The following TWF1 variants were observed in gnomAD, a reference collection of about 807,000 sequenced individuals.
TWF1 encodes twinfilin actin binding protein 1, also known as twinfilin-1.
TWF1 carries 14 observed loss-of-function variants against 47.9 expected under a neutral mutation model. The ratio of observed to expected loss-of-function variants is 0.29; its 90% CI spans 0.19 to 0.46. The LOEUF (loss-of-function observed/expected upper bound fraction) is 0.46. Ranked by LOEUF, TWF1 falls within the 20% of genes least tolerant of loss-of-function variation. TWF1 has a pLI of 1.00. For synonymous variants in TWF1, 96 were observed against 139.2 expected (o/e 0.69, Z 2.18); for missense variants, 281 against 409.3 (o/e 0.69, Z 2.70).
rs184767881 is a variant in TWF1, at chr12:43,801,271, T to C, written c.283-741A>G. Among the ~76,000 whole-genome samples the C allele has an allele frequency of 8.0e-4, 122 of 151,650 alleles. No individual in the cohort carries two copies. The East Asian group carries it at 0.019, about 24-fold the overall frequency. On this transcript the variant is annotated intron_variant, in intron 3 of 8. Coordinates refer to ENST00000395510, the MANE Select transcript of TWF1 (RefSeq NM_002822.5). ...TACCATTCTAGGAGGGACACAAAGA[T>C]GGAAAAAAAAATTCAAGAGTCAACT...
chr12:43,797,384 T>C lies in TWF1; in HGVS notation c.678A>G (p.Pro226=), dbSNP rs144096597. 3 of 1,605,570 alleles carry C rather than the reference T, an allele frequency of 1.9e-6. No homozygotes were observed. Among genetic ancestry groups the C allele is most frequent in the Non-Finnish European group, 1.7e-6 (2 of 1,176,520 alleles). ...NTTNTELKDL[P]KRIPKDSARY... Reference sequence around the variant, plus strand: ...GAGCTGAATCCTTGGGAATCCTCTTTGGCAAATCTTTCAGTTCTGTATTTG... The same window carrying C: ...GAGCTGAATCCTTGGGAATCCTCTTCGGCAAATCTTTCAGTTCTGTATTTG... The change falls in exon 7 of 9, where the codon CCA becomes CCG. Residue 226 remains proline, a synonymous_variant. Coordinates refer to ENST00000395510, the MANE Select transcript of TWF1 (RefSeq NM_002822.5).
intron 1 of TWF1, 81 bp downstream of exon 1, chr12:43,806,140 C>G: frequency 6.5e-7 from 1 of 1,530,130 alleles, no homozygotes; most frequent in Non-Finnish European, 8.8e-7. Context: ...CCGACTCCAG[C>G]CCTGCCGGTC....
At chr12:43,800,309 C>T (rs1942635869) in intron 4 of TWF1, 126 bp downstream of exon 4, 1 of 636,192 alleles carries the variant, frequency 1.6e-6, no homozygotes, top group South Asian at 2.2e-5. Context: ...ATATGAAATA[C>T]AGTATTTCTC....
At position 43,799,431 on chromosome 12, in the gene TWF1, A is replaced by G. The variant is rs746811843; in HGVS notation, c.450T>C (p.Ala150=). ...SQSSPAPLTA[A]EEELRQIKIN... ...TTTTAATCTGTCGTAGTTCTTCCTC[A>G]GCTGCAGTCAGTGGGGCAGGGGAAG... Residue 150 remains alanine, a synonymous_variant, in exon 5 of 9, where the codon GCT becomes GCC. Coordinates refer to ENST00000395510, the MANE Select transcript of TWF1 (RefSeq NM_002822.5). 1.9e-6 allele frequency: 3 copies of G among 1,609,910 alleles called. No individual in the cohort carries two copies. The African/African-American group carries it at 4.0e-5, about 22-fold the overall frequency.
chr12:43,804,685 CCTT>C, intron 1 of TWF1, 113 bp from the exon 2 acceptor site: 1 of 619,908 alleles, frequency 1.6e-6, no homozygotes, highest in East Asian at 3.1e-5. Context: ...CATGTAGCAT[CCTT>C]ATTATCAGTA....
intron 1 of TWF1, 135 bp downstream of exon 1, chr12:43,806,086 G>C: frequency 6.6e-7 from 1 of 1,519,128 alleles, no homozygotes; most frequent in Non-Finnish European, 8.8e-7. Context: ...GAGAGGCGCC[G>C]AGGCCCGGCT....
At position 43,794,813 on chromosome 12, in the gene TWF1, C is replaced by T. The variant is rs1225658288; in HGVS notation, c.*772G>A. 1 of 152,036 alleles carries T rather than the reference C, an allele frequency of 6.6e-6. No homozygotes were observed. Among genetic ancestry groups the T allele is most frequent in the African/African-American group, 2.4e-5 (1 of 41,374 alleles). The allele number at this position is 152,036 out of a possible 1,614,324, so 9.4% of individuals were successfully genotyped here. On this transcript the variant is annotated 3_prime_UTR_variant, in exon 9 of 9. Coordinates refer to ENST00000395510, the MANE Select transcript of TWF1 (RefSeq NM_002822.5). ...ATGGTTTTGGAGAAAAAAGTCAATC[C>T]TGATTTTTAAAACTCAACATTTTTT...
In TWF1 at chr12:43,798,620, G is replaced by GT. The variant is rs1396940973; in HGVS notation, c.483+777dup. On this transcript the variant is annotated intron_variant, in intron 5 of 8. Transcript: ENST00000395510. ...AGAAATAAAACAAACTATCAAACTC[G>GT]TAAAAAAAAAAAAAAATCACATAAA... The GT allele has an allele frequency of 9.8e-6, 14 of 1,426,552 alleles. No homozygotes were observed. In the African/African-American group the frequency reaches 2.3e-4, roughly 23 times the overall value. 88.4% of individuals were successfully genotyped at this position (1,426,552 alleles called of 1,614,324 possible).
chr12:43,796,559 A>G (rs763328187), intron 8 of TWF1, among the ~76,000 whole-genome samples: 7 of 152,140 alleles, frequency 4.6e-5, no homozygotes, highest in Non-Finnish European at 7.4e-5. Context: ...TGGAGACTGT[A>G]ATTCCTTATT....
chr12:43,806,014 C>T (rs987728897), intron 1 of TWF1: 1 of 1,524,402 alleles, frequency 6.6e-7, no homozygotes, highest in Non-Finnish European at 8.8e-7. Context: ...TGCAACGTGA[C>T]GGCAGCAGGG....
intron 1 of TWF1, 48 bp downstream of exon 1, chr12:43,806,173 G>A (rs759089924): frequency 3.0e-4 from 459 of 1,537,380 alleles, no homozygotes; most frequent in Non-Finnish European, 3.8e-4. Flanking sequence ...CGGCTCTCCC[G>A]GCTCTCCCGG....
In TWF1 at chr12:43,793,898, A is replaced by T. The variant is rs1321206924; in HGVS notation, c.*1687T>A. The T allele has an allele frequency of 6.5e-6, 1 of 152,678 alleles. No homozygotes were observed. The highest frequency in any genetic ancestry group is 1.5e-5 in the Non-Finnish European group (1 of 68,044). 9.5% of individuals were successfully genotyped at this position (152,678 alleles called of 1,614,324 possible). On this transcript the variant is annotated 3_prime_UTR_variant, in exon 9 of 9. Transcript: ENST00000395510. ...ATGAGTTATACTCTATAACAAATGC[A>T]TCACTGATTTTCAGCAATCATTGGT...
rs577941422 is a variant in TWF1 at position 43,794,049 on chromosome 12, A to C, written c.*1536T>G. 8 of 152,742 alleles carry C rather than the reference A, an allele frequency of 5.2e-5. 1 individual carries two copies. Among genetic ancestry groups the C allele is most frequent in the African/African-American group, 1.9e-4 (8 of 41,568 alleles). The allele number at this position is 152,742 out of a possible 1,614,324, so 9.5% of individuals were successfully genotyped here. On this transcript the variant is annotated 3_prime_UTR_variant, in exon 9 of 9. Coordinates refer to ENST00000395510, the MANE Select transcript of TWF1 (RefSeq NM_002822.5). ...TGGTACAGAAAAACATTCACTTCTA[A>C]ATTATTTTATACCTTCATGACAGGT...
chr12:43,802,489 A>T (rs1267051000), intron 2 of TWF1, 25 bp from the exon 3 acceptor site: 2 of 1,565,172 alleles, frequency 1.3e-6, no homozygotes, highest in Non-Finnish European at 1.8e-6. Flanking sequence ...TTTTAGAAAG[A>T]TAGGTAAATG....
chr12:43,805,106 G>C (rs191171619), intron 1 of TWF1, among the ~76,000 whole-genome samples: 6 of 152,182 alleles, frequency 3.9e-5, no homozygotes, highest in African/African-American at 1.4e-4. Context: ...TCAAAAGCTA[G>C]ATTAAACTCA....
At chr12:43,801,763 C>T (rs1337003411) in intron 3 of TWF1, among the ~76,000 whole-genome samples, 3 of 152,178 alleles carry the variant, frequency 2.0e-5, no homozygotes, top group African/African-American at 7.2e-5. Flanking sequence ...GACACAGTGG[C>T]TCATACCTGT....
At chr12:43,799,203 A>G (rs576181666) in intron 5 of TWF1, among the ~76,000 whole-genome samples, 195 bp downstream of exon 5, 5 of 152,264 alleles carry the variant, frequency 3.3e-5, no homozygotes, top group Admixed American at 6.5e-5. Context: ...TAAAATGCAT[A>G]TAAAGTTTAA....
chr12:43,803,506 T>C (rs1565702033), intron 2 of TWF1, among the ~76,000 whole-genome samples: 1 of 152,148 alleles, frequency 6.6e-6, no homozygotes, highest in Non-Finnish European at 1.5e-5. Context: ...ATTTTCCTTA[T>C]TTAAAAATTT....
At chr12:43,796,839 AGAG>A (rs1565698848) in intron 8 of TWF1, 134 bp downstream of exon 8, 2 of 892,702 alleles carry the variant, frequency 2.2e-6, no homozygotes, top group Non-Finnish European at 3.4e-6. Context: ...CCAGGCACTT[AGAG>A]GAGATCCTAA....
Sources: allele counts gnomAD v4.1 joint callset (sites outside exome capture counted in the v4.1 genomes callset), GRCh38; gene constraint gnomAD v4.1.1; transcripts MANE v1.5; gene names NCBI Gene and HGNC (gene_info 2026-07-23, HGNC 2026-07-21).